GSK3B: variants seen among roughly 807,000 people sequenced by gnomAD.
The protein encoded by GSK3B is glycogen synthase kinase 3 beta.
GSK3B carries 15 observed loss-of-function variants against 56.4 expected under a neutral mutation model. The ratio of observed to expected loss-of-function variants is 0.27; its 90% CI spans 0.18 to 0.41. GSK3B has a LOEUF of 0.41. Among genes scored for constraint, GSK3B ranks in the 10% least tolerant of loss-of-function variants. The pLI, the probability that GSK3B is intolerant of heterozygous loss-of-function variation, is 1.00. For synonymous variants in GSK3B, 181 were observed against 188.9 expected (o/e 0.96, Z 0.34); for missense variants, 300 against 513.4 (o/e 0.58, Z 4.02).
intron 3 of GSK3B, among the ~76,000 whole-genome samples, chr3:119,939,870 G>A (rs922795083): frequency 2.0e-5 from 3 of 152,018 alleles, no homozygotes; most frequent in Non-Finnish European, 4.4e-5. Context: ...AAAATTTGAG[G>A]CTCTAGAGTT....
chr3:119,954,282 TAGAATAGAATAGAATAGAATAGAAA>T (rs1483776058), intron 2 of GSK3B, among the ~76,000 whole-genome samples: 1,495 of 131,652 alleles, frequency 0.011, 29 homozygotes, highest in African/African-American at 0.038. Context: ...TAGAATAGAA[TAGAATAGAATAGAATAGAATAGAAA>T]AGAAACAGAA....
At chr3:119,978,172 A>G (rs2057424911) in intron 2 of GSK3B, among the ~76,000 whole-genome samples, 1 of 152,112 alleles carries the variant, frequency 6.6e-6, no homozygotes, top group Non-Finnish European at 1.5e-5. Flanking sequence ...AACCACAAAC[A>G]ACATCACCAA....
intron 2 of GSK3B, among the ~76,000 whole-genome samples, chr3:120,001,396 A>C (rs1488186753): frequency 6.6e-6 from 1 of 152,074 alleles, no homozygotes; most frequent in African/African-American, 2.4e-5. Context: ...AATAATAATA[A>C]TAAAGTCTGG....
At chr3:120,047,959 C>T (rs186686183) in intron 1 of GSK3B, among the ~76,000 whole-genome samples, 10 of 152,286 alleles carry the variant, frequency 6.6e-5, no homozygotes, top group Admixed American at 4.6e-4. Flanking sequence ...CTGTTAAAAG[C>T]AACACCTAGA....
At chr3:119,866,844 T>A (rs1225229514) in intron 8 of GSK3B, among the ~76,000 whole-genome samples, 1 of 152,116 alleles carries the variant, frequency 6.6e-6, no homozygotes, top group Non-Finnish European at 1.5e-5. Context: ...GCAAAAAAAT[T>A]TTTTTTGATT....
At chr3:119,933,598 C>G (rs184999541) in intron 3 of GSK3B, among the ~76,000 whole-genome samples, 121 of 152,204 alleles carry the variant, frequency 7.9e-4, no homozygotes, top group Middle Eastern at 3.4e-3. Context: ...CAGGAGCCGC[C>G]AAGCGCGGTG....
chr3:120,058,416 TCAGG>T (rs940681063), intron 1 of GSK3B, among the ~76,000 whole-genome samples: 4 of 152,206 alleles, frequency 2.6e-5, no homozygotes, highest in African/African-American at 9.6e-5. Flanking sequence ...TAGCCAACTT[TCAGG>T]GGCTCAACAG....
intron 1 of GSK3B, among the ~76,000 whole-genome samples, chr3:120,020,328 T>C (rs1369645155): frequency 6.6e-6 from 1 of 152,210 alleles, no homozygotes; most frequent in Non-Finnish European, 1.5e-5. Context: ...GAAAAATATA[T>C]AGGCATACCT....
At chr3:120,061,857 C>G (rs532987043) in intron 1 of GSK3B, among the ~76,000 whole-genome samples, 18 of 152,262 alleles carry the variant, frequency 1.2e-4, no homozygotes, top group African/African-American at 4.3e-4. Flanking sequence ...CTCAGCCTCC[C>G]CAGTAGCTGG....
At chr3:119,957,191 T>C (rs1168100107) in intron 2 of GSK3B, among the ~76,000 whole-genome samples, 1 of 152,228 alleles carries the variant, frequency 6.6e-6, no homozygotes, top group East Asian at 1.9e-4. Context: ...TCCTTTTACA[T>C]AACTATAATT....
chr3:120,050,718 C>T (rs369359640), intron 1 of GSK3B, among the ~76,000 whole-genome samples: 3 of 152,280 alleles, frequency 2.0e-5, no homozygotes, highest in South Asian at 2.1e-4. Flanking sequence ...TCAGTTTTAA[C>T]ATGTTCAGTT....
At chr3:120,021,535 T>C (rs1197551274) in intron 1 of GSK3B, among the ~76,000 whole-genome samples, 1 of 151,340 alleles carries the variant, frequency 6.6e-6, no homozygotes, top group African/African-American at 2.4e-5. Context: ...AAAAAGAATA[T>C]TCATGATTCA....
chr3:119,877,912 C>A (rs1013263432), intron 7 of GSK3B, among the ~76,000 whole-genome samples: 1 of 151,920 alleles, frequency 6.6e-6, no homozygotes, highest in Non-Finnish European at 1.5e-5. Context: ...TTTATAAGAC[C>A]GTGTATAAAT....
chr3:119,855,343 G>C (rs921612539), intron 9 of GSK3B, among the ~76,000 whole-genome samples: 6 of 152,154 alleles, frequency 3.9e-5, no homozygotes, highest in African/African-American at 1.2e-4. Context: ...GTGCTGGAGA[G>C]GATGTGGAAA....
At chr3:119,891,932 T>G (rs745862110) in intron 7 of GSK3B, among the ~76,000 whole-genome samples, 14 of 152,162 alleles carry the variant, frequency 9.2e-5, no homozygotes, top group Non-Finnish European at 1.8e-4. Flanking sequence ...ATCAATCAAT[T>G]TATCTGTTCC....
intron 10 of GSK3B, among the ~76,000 whole-genome samples, chr3:119,839,161 G>A (rs1294780141): frequency 6.6e-6 from 1 of 152,148 alleles, no homozygotes; most frequent in Non-Finnish European, 1.5e-5. Context: ...GTATGAAAAT[G>A]TCTATTTTCT....
At chr3:119,909,524 G>A (rs1009823427) in intron 6 of GSK3B, among the ~76,000 whole-genome samples, 2 of 152,186 alleles carry the variant, frequency 1.3e-5, no homozygotes, top group African/African-American at 4.8e-5. Context: ...TGCTCTCTCT[G>A]TTCACTCCTG....
intron 1 of GSK3B, among the ~76,000 whole-genome samples, chr3:120,055,730 T>C (rs2058186613): frequency 6.6e-6 from 1 of 152,216 alleles, no homozygotes. Context: ...ATATGTCTAC[T>C]GTTTCATCCT....
At chr3:119,970,599 G>A (rs576518482) in intron 2 of GSK3B, among the ~76,000 whole-genome samples, 47 of 133,678 alleles carry the variant, frequency 3.5e-4, no homozygotes, top group Non-Finnish European at 6.1e-4. Context: ...GTGAAACCCC[G>A]TCTCTACTAA....
Sources: gnomAD v4.1 joint callset for allele counts (sites outside exome capture counted in the v4.1 genomes callset) on GRCh38, gnomAD v4.1.1 for gene constraint, MANE v1.5 for transcripts, NCBI Gene and HGNC (gene_info 2026-07-23, HGNC 2026-07-21) for gene names.